Variants in MSRB3 observed in about 807,000 individuals in gnomAD.
MSRB3 encodes the protein methionine-R-sulfoxide reductase B3.
In MSRB3, 13 loss-of-function variants were observed where a neutral mutation model predicts 21.0. That is an observed-to-expected ratio of 0.62 (90% CI 0.40 to 0.98). MSRB3 has a LOEUF of 0.98. Ranked by LOEUF, MSRB3 falls within the 50% of genes least tolerant of loss-of-function variation. MSRB3 has a pLI of 0.00. For synonymous variants in MSRB3, 87 were observed against 88.6 expected (o/e 0.98, Z 0.10); for missense variants, 199 against 230.3 (o/e 0.86, Z 0.88).
intron 5 of MSRB3, among the ~76,000 whole-genome samples, chr12:65,413,706 C>T (rs189176315): frequency 2.0e-5 from 3 of 152,156 alleles, no homozygotes; most frequent in East Asian, 3.9e-4. Context: ...TAGTTGGGGG[C>T]AGGAGACAGG....
At chr12:65,296,836 C>T (rs982462170) in intron 1 of MSRB3, among the ~76,000 whole-genome samples, 58 of 151,946 alleles carry the variant, frequency 3.8e-4, no homozygotes, top group African/African-American at 1.4e-3. Flanking sequence ...TAATAGAGAT[C>T]CTGAAGTAGG....
chr12:65,457,251 G>T (rs528782889), intron 6 of MSRB3, among the ~76,000 whole-genome samples: 49 of 152,026 alleles, frequency 3.2e-4, no homozygotes, highest in Non-Finnish European at 4.4e-4. Context: ...TTTAAGTTCT[G>T]GGAAACATGT....
intron 5 of MSRB3, among the ~76,000 whole-genome samples, chr12:65,396,691 C>CA (rs747120558): frequency 5.4e-3 from 125 of 23,184 alleles, no homozygotes; most frequent in East Asian, 0.01. Context: ...AACTCCATCT[C>CA]AAAAAAAAAA....
intron 1 of MSRB3, among the ~76,000 whole-genome samples, chr12:65,293,292 C>G (rs1341609667): frequency 6.6e-6 from 1 of 152,172 alleles, no homozygotes; most frequent in African/African-American, 2.4e-5. Context: ...CCATTTTCCA[C>G]CTTTTAGTCA....
chr12:65,448,258 T>C (rs1257233222), intron 5 of MSRB3, among the ~76,000 whole-genome samples: 1 of 152,216 alleles, frequency 6.6e-6, no homozygotes, highest in African/African-American at 2.4e-5. Flanking sequence ...CATTCGATTT[T>C]TCATTTATGA....
chr12:65,385,934 A>AT (rs200791195), intron 5 of MSRB3, among the ~76,000 whole-genome samples: 6 of 151,736 alleles, frequency 4.0e-5, no homozygotes, highest in Non-Finnish European at 7.4e-5. Context: ...TTGACCTTGT[A>AT]TTTTTTCTGT....
intron 4 of MSRB3, among the ~76,000 whole-genome samples, chr12:65,354,328 C>G (rs1405438229): frequency 6.6e-6 from 1 of 152,090 alleles, no homozygotes; most frequent in Non-Finnish European, 1.5e-5. Context: ...TGTTTTCCAA[C>G]TTGGTTCCAT....
intron 5 of MSRB3, among the ~76,000 whole-genome samples, chr12:65,409,818 G>T (rs1379509864): frequency 6.6e-6 from 1 of 152,016 alleles, no homozygotes; most frequent in African/African-American, 2.4e-5. Context: ...TCATCTACTT[G>T]AGCTTTATAT....
chr12:65,352,338 G>C (rs552469520), intron 4 of MSRB3, among the ~76,000 whole-genome samples: 11,182 of 147,752 alleles, frequency 0.076, 1,546 homozygotes, highest in African/African-American at 0.28. Flanking sequence ...CTATCTATGA[G>C]AAACCCACAG....
intron 4 of MSRB3, among the ~76,000 whole-genome samples, chr12:65,360,298 T>C (rs570942888): frequency 1.3e-3 from 202 of 152,268 alleles, no homozygotes; most frequent in African/African-American, 4.7e-3. Context: ...TTTAGTGTTA[T>C]TTTCTTAGCA....
chr12:65,291,810 CT>C (rs2136396118), intron 1 of MSRB3, among the ~76,000 whole-genome samples: 1 of 152,210 alleles, frequency 6.6e-6, no homozygotes, highest in East Asian at 1.9e-4. Flanking sequence ...TTATATGGGG[CT>C]TTTAGATCAT....
At chr12:65,371,479 A>G (rs893554435) in intron 5 of MSRB3, among the ~76,000 whole-genome samples, 3 of 152,040 alleles carry the variant, frequency 2.0e-5, no homozygotes, top group Admixed American at 2.0e-4. Flanking sequence ...AAATGAAGGA[A>G]TATGCCAATC....
chr12:65,395,536 A>T (rs140624697), intron 5 of MSRB3, among the ~76,000 whole-genome samples: 61 of 152,246 alleles, frequency 4.0e-4, no homozygotes, highest in African/African-American at 1.5e-3. Context: ...AGAATAAAAG[A>T]TCTATACAAA....
intron 2 of MSRB3, among the ~76,000 whole-genome samples, chr12:65,321,809 C>T (rs1222387499): frequency 6.6e-6 from 1 of 152,132 alleles, no homozygotes; most frequent in East Asian, 1.9e-4. Context: ...AACTAATAAC[C>T]AACCAAATTT....
At chr12:65,408,314 C>T (rs900495197) in intron 5 of MSRB3, among the ~76,000 whole-genome samples, 1 of 152,060 alleles carries the variant, frequency 6.6e-6, no homozygotes, top group Non-Finnish European at 1.5e-5. Context: ...AGGCTGGTCT[C>T]GAACTCCTGA....
chr12:65,430,221 C>T (rs1215093958), intron 5 of MSRB3, among the ~76,000 whole-genome samples: 1 of 152,132 alleles, frequency 6.6e-6, no homozygotes, highest in East Asian at 1.9e-4. Flanking sequence ...TAAAATACAT[C>T]ACACATTCTC....
At position 65,401,888 on chromosome 12, in the gene MSRB3, A is replaced by G. The variant is rs556318539; in HGVS notation, c.292+32862A>G. On this transcript the variant is annotated intron_variant, in intron 5 of 6. Coordinates refer to ENST00000308259, the MANE Select transcript of MSRB3 (RefSeq NM_001031679.3). ...CTTATGAAGCTTAGTTTGGCTGGAT[A>G]TGAAATTCTCAGTTTAAAATTCTTT... Among the ~76,000 whole-genome samples the G allele has an allele frequency of 3.3e-5, 5 of 152,326 alleles. No individual in the cohort carries two copies. The South Asian group carries it at 1.0e-3, about 32-fold the overall frequency.
intron 5 of MSRB3, among the ~76,000 whole-genome samples, chr12:65,415,188 G>A (rs1880906381): frequency 6.6e-6 from 1 of 152,164 alleles, no homozygotes; most frequent in South Asian, 2.1e-4. Flanking sequence ...GAAGACAACA[G>A]TATCTTCCAA....
Position 65,303,745 on chromosome 12 carries a change from A to G in MSRB3, c.-51-4784A>G, listed in dbSNP as rs967230559. Among the ~76,000 whole-genome samples, 19 of 152,320 alleles carry G rather than the reference A, an allele frequency of 1.2e-4. No individual in the cohort carries two copies. The South Asian group carries it at 3.9e-3, about 32-fold the overall frequency. Reference sequence around the variant, plus strand: ...GAAGAGGGAGAGATCTAAGCAAATCAGTGCCCTGAAAGTTGTTATAGGGGA... The same window carrying G: ...GAAGAGGGAGAGATCTAAGCAAATCGGTGCCCTGAAAGTTGTTATAGGGGA... On this transcript the variant is annotated intron_variant, in intron 1 of 6. Coordinates refer to ENST00000308259, the MANE Select transcript of MSRB3 (RefSeq NM_001031679.3).
Sources: gnomAD v4.1 joint callset for allele counts (sites outside exome capture counted in the v4.1 genomes callset) on GRCh38, gnomAD v4.1.1 for gene constraint, MANE v1.5 for transcripts, NCBI Gene and HGNC (gene_info 2026-07-23, HGNC 2026-07-21) for gene names.